Variants in ADGRD1 observed in about 807,000 individuals in gnomAD.
ADGRD1 encodes the protein G-protein coupled receptor 133.
A neutral mutation model predicts 113.4 loss-of-function variants in ADGRD1; 77 were observed. That is an observed-to-expected ratio of 0.68 (90% CI 0.57 to 0.82). The LOEUF is 0.82. Among genes scored for constraint, ADGRD1 ranks in the 40% least tolerant of loss-of-function variants. The pLI, the probability that ADGRD1 is intolerant of heterozygous loss-of-function variation, is 0.00. For synonymous variants in ADGRD1, 474 were observed against 475.0 expected (o/e 1.00, Z 0.03); for missense variants, 1,036 against 1,139.1 (o/e 0.91, Z 1.30).
rs555520306 is a variant in ADGRD1 at position 131,032,443 on chromosome 12, G to A, written c.1473+18103G>A. On this transcript the variant is annotated intron_variant, in intron 13 of 24. Coordinates refer to ENST00000261654, the MANE Select transcript of ADGRD1 (RefSeq NM_198827.5). The stretch of plus-strand genomic sequence containing the variant: ...CCCTGGAAGTACATGCGATGCCTCC[G>A]CTGACACGTCCCCCACCGCTGTGTG... Among the ~76,000 whole-genome samples the A allele has an allele frequency of 1.6e-4, 24 of 152,158 alleles. 1 individual carries two copies. Among genetic ancestry groups the A allele is most frequent in the African/African-American group, 5.1e-4 (21 of 41,498 alleles).
rs562424980 is a variant in ADGRD1, at chr12:131,016,428, G to A, written c.1473+2088G>A. Among the ~76,000 whole-genome samples the A allele has an allele frequency of 4.4e-4, 67 of 152,364 alleles. 1 individual carries two copies. The South Asian group carries it at 0.014, about 31-fold the overall frequency. On this transcript the variant is annotated intron_variant, in intron 13 of 24. Transcript: ENST00000261654. ...CATTTGTGTCTTCTCTTTGTGTGGA[G>A]AGAATCCTGGTCCCCTGCACAGGCT... is the stretch of plus-strand genomic sequence containing the variant.
chr12:131,137,335 G>A (rs990710518), intron 23 of ADGRD1, among the ~76,000 whole-genome samples: 1 of 152,264 alleles, frequency 6.6e-6, no homozygotes, highest in Non-Finnish European at 1.5e-5. Context: ...GCTGTGAGAA[G>A]GAGGACTTCT....
intron 14 of ADGRD1, among the ~76,000 whole-genome samples, chr12:131,080,710 T>C (rs1029363027): frequency 6.6e-6 from 1 of 152,204 alleles, no homozygotes; most frequent in African/African-American, 2.4e-5. Flanking sequence ...AAGCTCCGCC[T>C]CCCAGGTTCA....
At position 131,136,022 on chromosome 12, in the gene ADGRD1, AC is replaced by A. The variant is rs1191044054; in HGVS notation, c.2268-14del. 91 of 1,613,766 alleles carry A rather than the reference AC, an allele frequency of 5.6e-5. No homozygotes were observed. Among genetic ancestry groups the A allele is most frequent in the Non-Finnish European group, 7.3e-5 (86 of 1,179,906 alleles). On this transcript the variant is annotated splice_polypyrimidine_tract_variant and intron_variant, in intron 21 of 24. Transcript: ENST00000261654. The stretch of plus-strand genomic sequence containing the variant: ...CCTCCTGCCACTCAGGGTGACTGTC[AC>A]TGTTTCTCTCCAGGTTGACAGCCAA...
In ADGRD1 at chr12:131,038,133, G is replaced by T. The variant is rs1881733744; in HGVS notation, c.1473+23793G>T. ...CTGGGTCTCACTCACTGCATCATTT[G>T]GGGGTTTGGCCCCTTTCTGCTGATT... On this transcript the variant is annotated intron_variant, in intron 13 of 24. Transcript: ENST00000261654. 2.0e-5 allele frequency among the ~76,000 whole-genome samples: 3 copies of T among 152,222 alleles called. No homozygotes were observed. In the South Asian group the frequency reaches 6.2e-4, roughly 32 times the overall value.
In ADGRD1 at chr12:131,017,343, C is replaced by T. The variant is rs548148726; in HGVS notation, c.1473+3003C>T. 2.0e-3 allele frequency among the ~76,000 whole-genome samples: 300 copies of T among 146,796 alleles called. 2 individuals carry two copies. Among genetic ancestry groups the T allele is most frequent in the African/African-American group, 7.4e-3 (287 of 38,742 alleles). ...ACACCCAGTGCACACAGTCCACACACACCCAGTCCACACACACCCAGTGCA... is the reference window on the plus strand; with the variant it reads ...ACACCCAGTGCACACAGTCCACACATACCCAGTCCACACACACCCAGTGCA... On this transcript the variant is annotated intron_variant, in intron 13 of 24. Transcript: ENST00000261654.
chr12:131,034,073 A>G (rs1242864647), intron 13 of ADGRD1, among the ~76,000 whole-genome samples: 1 of 152,150 alleles, frequency 6.6e-6, no homozygotes, highest in Non-Finnish European at 1.5e-5. Context: ...CCCCAGCTGC[A>G]CACAGCAGCC....
At chr12:130,993,041 T>A (rs1001116340) in intron 8 of ADGRD1, among the ~76,000 whole-genome samples, 1 of 152,092 alleles carries the variant, frequency 6.6e-6, no homozygotes, top group Non-Finnish European at 1.5e-5. Flanking sequence ...GTATATGAAG[T>A]CCCACGGCTG....
rs375989137 is a variant in ADGRD1 at position 131,009,676 on chromosome 12, T to C, written c.1331+3629T>C. On this transcript the variant is annotated intron_variant, in intron 12 of 24. Transcript: ENST00000261654. The stretch of plus-strand genomic sequence containing the variant: ...TTGTGTGTGTGCACACAGGTGCATG[T>C]ATGTGCTTGTGTGGTGTATGTGCGT... Among the ~76,000 whole-genome samples the C allele has an allele frequency of 7.8e-3, 1,184 of 152,106 alleles. 18 individuals carry two copies. The highest frequency in any genetic ancestry group is 0.025 in the African/African-American group (1,018 of 41,372).
chr12:130,961,538 C>A (rs1022293332), intron 2 of ADGRD1, among the ~76,000 whole-genome samples: 1 of 152,038 alleles, frequency 6.6e-6, no homozygotes, highest in Non-Finnish European at 1.5e-5. Context: ...GCTTGGCTGG[C>A]TGACCTGCCT....
chr12:131,112,558 T>A (rs756321381), intron 18 of ADGRD1, among the ~76,000 whole-genome samples: 2 of 152,324 alleles, frequency 1.3e-5, no homozygotes, highest in Middle Eastern at 3.4e-3. Flanking sequence ...TCCTCTTCGT[T>A]CCCTGCTGCA....
intron 4 of ADGRD1, among the ~76,000 whole-genome samples, chr12:130,975,595 A>C (rs951916454): frequency 6.6e-6 from 1 of 152,190 alleles, no homozygotes; most frequent in African/African-American, 2.4e-5. Context: ...ATAAAGTTAA[A>C]TGAAAGGGAA....
chr12:131,092,721 G>T (rs1044306038), intron 15 of ADGRD1, among the ~76,000 whole-genome samples: 5 of 152,156 alleles, frequency 3.3e-5, no homozygotes, highest in African/African-American at 9.7e-5. Flanking sequence ...GGGCCTGGTG[G>T]TCACAGGGAA....
intron 2 of ADGRD1, among the ~76,000 whole-genome samples, chr12:130,955,082 C>G (rs1869374824): frequency 6.7e-6 from 1 of 148,304 alleles, no homozygotes; most frequent in Non-Finnish European, 1.5e-5. Context: ...GCCTCAGCCA[C>G]CTGAGTAGCT....
intron 13 of ADGRD1, among the ~76,000 whole-genome samples, chr12:131,053,727 G>A (rs761927487): frequency 2.6e-5 from 4 of 152,168 alleles, no homozygotes; most frequent in Admixed American, 6.5e-5. Context: ...TGACTCAGCC[G>A]TTACTCTACT....
At position 131,136,125 on chromosome 12, in the gene ADGRD1, G is replaced by A. The variant is rs1325787496; in HGVS notation, c.2356G>A (p.Val786Ile). The change falls in exon 22 of 25, where the codon GTT becomes ATT. Residue 786 changes from valine (V) to isoleucine (I), a missense_variant. Val to Ile is a conservative substitution (Grantham distance 29). Transcript: ENST00000261654. Reference sequence around the variant, plus strand: ...GCTTGCTGTCAACGGTTGTGCTGTGGTTTTCCAGTACATGTTTGCCACGCT... The same window carrying A: ...GCTTGCTGTCAACGGTTGTGCTGTGATTTTCCAGTACATGTTTGCCACGCT... ...GVLAVNGCAVVFQYMFATLNS... is the reference protein window; with the variant it reads ...GVLAVNGCAVIFQYMFATLNS... The A allele has an allele frequency of 3.1e-6, 5 of 1,614,098 alleles. No individual in the cohort carries two copies. The highest frequency in any genetic ancestry group is 4.2e-6 in the Non-Finnish European group (5 of 1,180,036).
At chr12:131,044,737 T>C (rs894373926) in intron 13 of ADGRD1, among the ~76,000 whole-genome samples, 1 of 152,196 alleles carries the variant, frequency 6.6e-6, no homozygotes, top group Non-Finnish European at 1.5e-5. Context: ...TGTGCGAGTT[T>C]CTTTTTACAC....
intron 20 of ADGRD1, among the ~76,000 whole-genome samples, chr12:131,126,636 T>A (rs905283979): frequency 1.3e-5 from 2 of 152,126 alleles, no homozygotes; most frequent in African/African-American, 4.8e-5. Flanking sequence ...CCTGCCTCCC[T>A]CCTCCCACCA....
At chr12:131,006,611 C>T (rs548204397) in intron 12 of ADGRD1, among the ~76,000 whole-genome samples, 6 of 151,006 alleles carry the variant, frequency 4.0e-5, no homozygotes, top group Admixed American at 2.0e-4. Context: ...CCTGCAGCAT[C>T]GCCTCATGTG....
Sources: gnomAD v4.1 joint callset for allele counts (sites outside exome capture counted in the v4.1 genomes callset) on GRCh38, gnomAD v4.1.1 for gene constraint, MANE v1.5 for transcripts, NCBI Gene and HGNC (gene_info 2026-07-23, HGNC 2026-07-21) for gene names.